Variants in SMOC2 observed in about 807,000 individuals in gnomAD.
The protein encoded by SMOC2 is SPARC related modular calcium binding 2.
Under a neutral mutation model 61.4 loss-of-function variants are expected in SMOC2, and 39 were observed. The observed-to-expected ratio is 0.64, with a 90% CI of 0.49 to 0.83. The LOEUF (loss-of-function observed/expected upper bound fraction) is 0.83, where lower values mean the gene tolerates loss of function less well. SMOC2 is among the 40% of genes least tolerant of loss of function. The pLI, the probability that SMOC2 is intolerant of heterozygous loss-of-function variation, is 0.00. For synonymous variants in SMOC2, 247 were observed against 239.9 expected (o/e 1.03, Z -0.27); for missense variants, 556 against 592.9 (o/e 0.94, Z 0.65).
intron 1 of SMOC2, among the ~76,000 whole-genome samples, chr6:168,445,595 C>T (rs1222719387): frequency 1.3e-5 from 2 of 152,178 alleles, no homozygotes; most frequent in South Asian, 2.1e-4. Flanking sequence ...TCTCACTCAG[C>T]CTTGGATCTT....
intron 1 of SMOC2, among the ~76,000 whole-genome samples, chr6:168,466,988 C>G (rs1192228700): frequency 6.6e-6 from 1 of 152,192 alleles, no homozygotes; most frequent in Non-Finnish European, 1.5e-5. Context: ...CCATTGCAGC[C>G]ACATCCTGCG....
chr6:168,646,230 G>T (rs775635984), intron 9 of SMOC2, among the ~76,000 whole-genome samples: 1 of 152,082 alleles, frequency 6.6e-6, no homozygotes, highest in African/African-American at 2.4e-5. Flanking sequence ...TGCTTCCCTC[G>T]TGTTCCCGAT....
rs544711922 is a variant in SMOC2, at chr6:168,523,076, G to A, written c.257-3270G>A. Among the ~76,000 whole-genome samples the A allele has an allele frequency of 5.8e-4, 30 of 51,730 alleles. No individual in the cohort carries two copies. In the East Asian group the frequency reaches 0.026, roughly 44 times the overall value. 33.9% of individuals were successfully genotyped at this position (51,730 alleles called of 152,430 possible). A position where few individuals can be genotyped will look rare whatever the true frequency, so the allele number is the denominator to read the frequency against. ...ATTTTATGTTATTTGTAGTTGTACAGTAATTTTTTTTTTTTTTTTTTTTGA... is the reference window on the plus strand; with the variant it reads ...ATTTTATGTTATTTGTAGTTGTACAATAATTTTTTTTTTTTTTTTTTTTGA... On this transcript the variant is annotated intron_variant, in intron 2 of 12. Coordinates refer to ENST00000356284, the MANE Select transcript of SMOC2 (RefSeq NM_001166412.2).
At chr6:168,655,343 T>C in intron 11 of SMOC2, 1 of 454,890 alleles carries the variant, frequency 2.2e-6, no homozygotes, top group East Asian at 7.0e-5. Flanking sequence ...TATAGCAGTT[T>C]TAACAATTGA....
intron 7 of SMOC2, among the ~76,000 whole-genome samples, chr6:168,575,294 T>A (rs1784772822): frequency 6.6e-6 from 1 of 152,228 alleles, no homozygotes. Context: ...GCATTTCGGA[T>A]GTTTCCTGCA....
At chr6:168,614,168 G>T (rs1409239471) in intron 9 of SMOC2, among the ~76,000 whole-genome samples, 1 of 68,790 alleles carries the variant, frequency 1.5e-5, no homozygotes. Flanking sequence ...CCTACAGCCA[G>T]CACAGGGGGC....
rs758931067 is a variant in SMOC2 at position 168,652,996 on chromosome 6, G to A, written c.1053G>A (p.Val351=). ...CCAGCCATACCCTAGAGGAGCGGGT[G>A]GTGCACTGGTACTTCAAACTACTGG... ...PDPSHTLEER[V]VHWYFKLLDK... Residue 351 remains valine, a synonymous_variant, in exon 11 of 13, where the codon GTG becomes GTA. Coordinates refer to ENST00000356284, the MANE Select transcript of SMOC2 (RefSeq NM_001166412.2). 9.7e-5 allele frequency: 156 copies of A among 1,613,830 alleles called. No individual in the cohort carries two copies. Among genetic ancestry groups the A allele is most frequent in the Admixed American group, 7.7e-4 (46 of 59,986 alleles).
intron 9 of SMOC2, among the ~76,000 whole-genome samples, chr6:168,622,850 G>A (rs1786280065): frequency 1.3e-5 from 2 of 152,172 alleles, no homozygotes; most frequent in South Asian, 2.1e-4. Context: ...TACAGGACGT[G>A]CAAGGCCACT....
chr6:168,546,251 GAAAAAAAAA>G (rs143673157), intron 5 of SMOC2, among the ~76,000 whole-genome samples: 5 of 66,460 alleles, frequency 7.5e-5, no homozygotes, highest in South Asian at 6.9e-4. Context: ...AAGCTTCAGT[GAAAAAAAAA>G]AAAAAAAAAA....
chr6:168,571,208 A>G (rs1784657789), intron 7 of SMOC2, among the ~76,000 whole-genome samples: 1 of 152,182 alleles, frequency 6.6e-6, no homozygotes, highest in African/African-American at 2.4e-5. Flanking sequence ...GTTTAGTAAA[A>G]AAGGTTTATT....
intron 9 of SMOC2, among the ~76,000 whole-genome samples, chr6:168,626,224 C>T (rs9455678): frequency 0.015 from 2,326 of 152,286 alleles, 24 homozygotes; most frequent in Middle Eastern, 0.027. Context: ...TCTCACTCCT[C>T]GCACAGACTC....
chr6:168,604,281 G>A (rs943422775), intron 8 of SMOC2, among the ~76,000 whole-genome samples: 1 of 152,174 alleles, frequency 6.6e-6, no homozygotes, highest in Non-Finnish European at 1.5e-5. Flanking sequence ...TTTAATTCAT[G>A]GATCATTGGT....
At chr6:168,657,884 C>G (rs1232861539) in intron 11 of SMOC2, among the ~76,000 whole-genome samples, 1 of 152,158 alleles carries the variant, frequency 6.6e-6, no homozygotes, top group Non-Finnish European at 1.5e-5. Context: ...TGATGCAGAC[C>G]TCTTAAACCT....
In SMOC2 at chr6:168,453,534, T is replaced by C. The variant is rs199980303; in HGVS notation, c.84+12080T>C. Among the ~76,000 whole-genome samples the C allele has an allele frequency of 6.7e-6, 1 of 150,260 alleles. No homozygotes were observed. The highest frequency in any genetic ancestry group is 6.6e-5 in the Admixed American group (1 of 15,156). On this transcript the variant is annotated intron_variant, in intron 1 of 12. Transcript: ENST00000356284. This position sits in a 1 kb window ranked among gnomAD's most constrained non-coding sequence, Gnocchi z 4.4. Reference sequence around the variant, plus strand: ...TGTCTCTCTGTCTCTCTCTGTCTCTTTGTCTCTCTCTGTACCTGTCTCTCT... The same window carrying C: ...TGTCTCTCTGTCTCTCTCTGTCTCTCTGTCTCTCTCTGTACCTGTCTCTCT...
chr6:168,589,432 A>G (rs552148906), intron 7 of SMOC2, among the ~76,000 whole-genome samples: 1 of 152,266 alleles, frequency 6.6e-6, no homozygotes, highest in Non-Finnish European at 1.5e-5. Context: ...AATGGGCTCA[A>G]CAGCCACAAA....
chr6:168,540,584 C>G (rs1030602824), intron 4 of SMOC2, among the ~76,000 whole-genome samples: 2 of 145,850 alleles, frequency 1.4e-5, no homozygotes, highest in African/African-American at 5.6e-5. Context: ...GACGTTTGTT[C>G]TGCTGCCCAT....
chr6:168,471,612 C>T (rs1781969462), intron 1 of SMOC2, among the ~76,000 whole-genome samples: 1 of 152,154 alleles, frequency 6.6e-6, no homozygotes, highest in South Asian at 2.1e-4. Flanking sequence ...TTTACTTTTT[C>T]AAGAAACCAC....
chr6:168,522,397 C>G (rs1783349337), intron 2 of SMOC2, among the ~76,000 whole-genome samples: 1 of 152,200 alleles, frequency 6.6e-6, no homozygotes, highest in Admixed American at 6.5e-5. Flanking sequence ...AAATTTACAT[C>G]TGCATGTCTA....
intron 7 of SMOC2, among the ~76,000 whole-genome samples, chr6:168,595,559 G>A (rs551210441): frequency 3.9e-5 from 6 of 152,272 alleles, no homozygotes; most frequent in Admixed American, 6.5e-5. Context: ...CCCAGGGGCC[G>A]TCATCAGTTT....
Sources: allele counts gnomAD v4.1 joint callset (sites outside exome capture counted in the v4.1 genomes callset), GRCh38; gene constraint gnomAD v4.1.1; non-coding constraint Gnocchi (gnomAD v3.1); transcripts MANE v1.5; gene names NCBI Gene and HGNC (gene_info 2026-07-23, HGNC 2026-07-21).